Variants in PRKN observed in about 807,000 individuals in gnomAD.
The protein encoded by PRKN is parkin RBR E3 ubiquitin protein ligase.
In PRKN, 56 loss-of-function variants were observed where a neutral mutation model predicts 59.5. The ratio of observed to expected loss-of-function variants is 0.94; its 90% CI spans 0.76 to 1.18. The LOEUF (loss-of-function observed/expected upper bound fraction) is 1.18, where lower values mean the gene tolerates loss of function less well. Ranked by LOEUF, PRKN falls within the 50% of genes most tolerant of loss-of-function variation. PRKN has a pLI of 0.00. For missense variants in PRKN, 657 were observed against 596.4 expected, an observed-to-expected ratio of 1.10 and a Z score of -1.06; for synonymous variants, 250 against 222.1, an observed-to-expected ratio of 1.13 and a Z score of -1.12.
At chr6:162,568,962 G>A (rs774005126) in intron 1 of PRKN, 3 of 668,104 alleles carry the variant, frequency 4.5e-6, no homozygotes, top group Non-Finnish European at 8.2e-6. Flanking sequence ...GGAAGGGCTG[G>A]CTGACGAGAT....
chr6:162,372,318 G>A (rs942047113), intron 2 of PRKN, among the ~76,000 whole-genome samples: 2 of 152,114 alleles, frequency 1.3e-5, no homozygotes, highest in Non-Finnish European at 2.9e-5. Context: ...CCAGGCCAGA[G>A]GCAGAAGTAA....
chr6:161,640,301 G>C (rs968481333), intron 7 of PRKN, among the ~76,000 whole-genome samples: 1 of 152,068 alleles, frequency 6.6e-6, no homozygotes, highest in Non-Finnish European at 1.5e-5. Flanking sequence ...TTAAAAACTT[G>C]CTTTTCATTA....
At chr6:162,175,585 G>C (rs889538360) in intron 4 of PRKN, among the ~76,000 whole-genome samples, 3 of 152,182 alleles carry the variant, frequency 2.0e-5, no homozygotes, top group Non-Finnish European at 4.4e-5. Context: ...CTGTACTGGT[G>C]GATTTCTCCC....
At chr6:162,594,253 C>T (rs1386696967) in intron 1 of PRKN, among the ~76,000 whole-genome samples, 1 of 152,114 alleles carries the variant, frequency 6.6e-6, no homozygotes. Context: ...CCTTTGCATA[C>T]TTTAAGTACA....
chr6:162,383,700 T>C (rs1213176726), intron 2 of PRKN, among the ~76,000 whole-genome samples: 1 of 152,184 alleles, frequency 6.6e-6, no homozygotes, highest in Non-Finnish European at 1.5e-5. Context: ...TTTGAAGCCA[T>C]GCATTGATTT....
chr6:162,532,290 T>C (rs894447960), intron 1 of PRKN, among the ~76,000 whole-genome samples: 1 of 152,222 alleles, frequency 6.6e-6, no homozygotes, highest in Non-Finnish European at 1.5e-5. Flanking sequence ...GCACTTATGA[T>C]ATATGCACGC....
intron 5 of PRKN, among the ~76,000 whole-genome samples, chr6:162,008,920 G>A (rs73606876): frequency 0.014 from 2,099 of 150,918 alleles, 78 homozygotes; most frequent in African/African-American, 0.05. Context: ...AGAGTTATGT[G>A]GGTTCAGGAG....
At chr6:162,402,056 C>T (rs2128150098) in intron 2 of PRKN, among the ~76,000 whole-genome samples, 1 of 152,126 alleles carries the variant, frequency 6.6e-6, no homozygotes, top group East Asian at 1.9e-4. Context: ...TCAAGACCAG[C>T]CTGGCCGACA....
chr6:162,690,483 A>G (rs777950437), intron 1 of PRKN, among the ~76,000 whole-genome samples: 7 of 152,242 alleles, frequency 4.6e-5, no homozygotes, highest in Non-Finnish European at 8.8e-5. Context: ...GCTTTCACTC[A>G]TTAGCAAGAC....
At chr6:161,873,543 G>A (rs1448267460) in intron 6 of PRKN, among the ~76,000 whole-genome samples, 1 of 151,630 alleles carries the variant, frequency 6.6e-6, no homozygotes, top group Non-Finnish European at 1.5e-5. Context: ...CATCAGACAC[G>A]AGTCACACTG....
At chr6:161,774,289 G>A (rs529547356) in intron 7 of PRKN, among the ~76,000 whole-genome samples, 10 of 152,032 alleles carry the variant, frequency 6.6e-5, no homozygotes, top group South Asian at 2.1e-4. Context: ...CTCCACCAGC[G>A]TTAGAGACTG....
intron 5 of PRKN, among the ~76,000 whole-genome samples, chr6:162,021,231 TA>T (rs1471093961): frequency 2.2e-5 from 3 of 133,470 alleles, no homozygotes; most frequent in African/African-American, 8.2e-5. Flanking sequence ...ATACATCAAA[TA>T]TATATATAAT....
chr6:161,929,691 T>C (rs1049349016), intron 6 of PRKN, among the ~76,000 whole-genome samples: 3 of 151,904 alleles, frequency 2.0e-5, no homozygotes, highest in Admixed American at 6.6e-5. Flanking sequence ...ACCTGGCTAA[T>C]TTTTTAGTAG....
At position 161,528,922 on chromosome 6, in the gene PRKN, G is replaced by A. The variant is rs564601262; in HGVS notation, c.1083+19932C>T. On this transcript the variant is annotated intron_variant, in intron 9 of 11. Transcript: ENST00000366898. ...AAGGCCTTCTCTGGGGCCTCATACC[G>A]TGTACCAAGGGTCGAAGAAGTAAAG... 5.3e-5 allele frequency among the ~76,000 whole-genome samples: 8 copies of A among 152,280 alleles called. 1 individual carries two copies. In the East Asian group the frequency reaches 1.4e-3, roughly 26 times the overall value.
intron 2 of PRKN, among the ~76,000 whole-genome samples, chr6:162,337,217 C>T (rs1169391957): frequency 6.6e-6 from 1 of 152,114 alleles, no homozygotes; most frequent in Non-Finnish European, 1.5e-5. Context: ...CCTAATTAAG[C>T]AAGAGGATTT....
intron 2 of PRKN, among the ~76,000 whole-genome samples, chr6:162,334,278 A>G (rs1783728384): frequency 6.6e-6 from 1 of 152,240 alleles, no homozygotes; most frequent in Non-Finnish European, 1.5e-5. Flanking sequence ...TTATTGCAAG[A>G]TGCCATCTGG....
Position 162,248,882 on chromosome 6 carries a change from A to AT in PRKN, c.412+13642_412+13643insA, listed in dbSNP as rs1424856032. Among the ~76,000 whole-genome samples the AT allele has an allele frequency of 2.0e-3, 304 of 151,422 alleles. 1 individual carries two copies. The highest frequency in any genetic ancestry group is 6.9e-3 in the African/African-American group (286 of 41,206). On this transcript the variant is annotated intron_variant, in intron 3 of 11. Coordinates refer to ENST00000366898, the MANE Select transcript of PRKN (RefSeq NM_004562.3). ...ATAATAGACTATTGCTTTTGTATAT[A>AT]ATTTTTTTTTTTTTTAAGACAGAGT...
At chr6:161,958,370 A>G (rs1350690915) in intron 6 of PRKN, among the ~76,000 whole-genome samples, 3 of 152,206 alleles carry the variant, frequency 2.0e-5, no homozygotes, top group African/African-American at 7.2e-5. Context: ...TTATTCCCTA[A>G]CTTTTCTTTA....
chr6:161,577,998 C>T (rs2128137052), intron 7 of PRKN, among the ~76,000 whole-genome samples: 1 of 152,258 alleles, frequency 6.6e-6, no homozygotes, highest in South Asian at 2.1e-4. Context: ...ATGCGTAACG[C>T]CAGGGGCCAT....
Sources: gnomAD v4.1 joint callset for allele counts (sites outside exome capture counted in the v4.1 genomes callset) on GRCh38, gnomAD v4.1.1 for gene constraint, MANE v1.5 for transcripts, NCBI Gene and HGNC (gene_info 2026-07-23, HGNC 2026-07-21) for gene names.